Variants in MTMR10 observed in about 807,000 individuals in gnomAD.
MTMR10 encodes the protein myotubularin related protein 10.
In MTMR10, 56 loss-of-function variants were observed where a neutral mutation model predicts 88.1. The ratio of observed to expected loss-of-function variants is 0.64; its 90% CI spans 0.51 to 0.79. MTMR10 has a LOEUF of 0.79. Among genes scored for constraint, MTMR10 ranks in the 30% least tolerant of loss-of-function variants. The pLI is 0.00. For missense variants in MTMR10, 883 were observed against 924.7 expected (o/e 0.95, Z 0.58); for synonymous variants, 380 against 340.9 (o/e 1.11, Z -1.26).
At chr15:30,963,879 A>G (rs2063440284) in intron 6 of MTMR10, among the ~76,000 whole-genome samples, 1 of 152,178 alleles carries the variant, frequency 6.6e-6, no homozygotes, top group Admixed American at 6.5e-5. Context: ...GTGCACCAAA[A>G]CAAAGAAAGC....
intron 2 of MTMR10, among the ~76,000 whole-genome samples, chr15:30,983,248 G>C (rs1178318802): frequency 6.6e-6 from 1 of 152,156 alleles, no homozygotes; most frequent in Non-Finnish European, 1.5e-5. Context: ...CATGAAGCCA[G>C]AAAAAGCAGG....
chr15:30,955,687 C>T (rs2063317545), intron 9 of MTMR10, among the ~76,000 whole-genome samples: 1 of 152,166 alleles, frequency 6.6e-6, no homozygotes, highest in African/African-American at 2.4e-5. Flanking sequence ...TAAGGAGACC[C>T]TACACTCCCA....
At chr15:30,958,767 G>A in intron 9 of MTMR10, 96 bp downstream of exon 9, 1 of 1,263,514 alleles carries the variant, frequency 7.9e-7, no homozygotes, top group African/African-American at 1.5e-5. Flanking sequence ...TAATTAGTAA[G>A]ACTATGCATT....
chr15:30,951,746 C>T (rs999097674), intron 12 of MTMR10, among the ~76,000 whole-genome samples: 19 of 152,114 alleles, frequency 1.2e-4, no homozygotes, highest in Non-Finnish European at 2.1e-4. Context: ...GTGATCCGCC[C>T]GCCTCGACCT....
At chr15:30,929,944 AATATAATATATATC>A in the MTMR10 span, among the ~76,000 whole-genome samples, 1 of 107,818 alleles carries the variant, frequency 9.3e-6, no homozygotes, top group African/African-American at 4.9e-5. Context: ...TAAAATATAT[AATATAATATATATC>A]ATATAATATA....
intron 2 of MTMR10, among the ~76,000 whole-genome samples, chr15:30,977,681 G>C (rs1273491621): frequency 3.3e-5 from 5 of 151,950 alleles, no homozygotes; most frequent in Non-Finnish European, 5.9e-5. Context: ...GTCAATGGTA[G>C]AAAAGTGAGT....
chr15:30,947,516 G>T (rs1419928924), intron 13 of MTMR10, among the ~76,000 whole-genome samples: 1 of 152,188 alleles, frequency 6.6e-6, no homozygotes, highest in Non-Finnish European at 1.5e-5. Context: ...CCCAGTACAT[G>T]TAACAAGTTG....
chr15:30,928,057 G>A, the MTMR10 span: 3 of 998,036 alleles, frequency 3.0e-6, no homozygotes, highest in Non-Finnish European at 3.6e-6. Flanking sequence ...GTGCATCAGA[G>A]CAGCACCTGC....
At chr15:30,929,862 AATAT>A in the MTMR10 span, among the ~76,000 whole-genome samples, 15 of 60,366 alleles carry the variant, frequency 2.5e-4, 1 homozygote, top group African/African-American at 1.3e-3. Flanking sequence ...TATCATATAT[AATAT>A]ATATAAAATA....
At chr15:30,919,146 C>T in the MTMR10 span, among the ~76,000 whole-genome samples, 5 of 150,154 alleles carry the variant, frequency 3.3e-5, no homozygotes, top group African/African-American at 9.9e-5. Flanking sequence ...TTTGGGAGGC[C>T]GAGGCTGGCA....
the MTMR10 span, among the ~76,000 whole-genome samples, chr15:30,929,623 T>A: frequency 6.7e-5 from 5 of 74,942 alleles, no homozygotes; most frequent in South Asian, 3.9e-4. Context: ...ATAATATATA[T>A]TATATATTAT....
At chr15:30,958,411 T>C (rs1422322691) in intron 9 of MTMR10, among the ~76,000 whole-genome samples, 3 of 152,234 alleles carry the variant, frequency 2.0e-5, no homozygotes, top group African/African-American at 7.2e-5. Context: ...GGCCTCCTAC[T>C]TTAATGACGT....
At chr15:30,979,800 G>A (rs1397562218) in intron 2 of MTMR10, among the ~76,000 whole-genome samples, 1 of 152,212 alleles carries the variant, frequency 6.6e-6, no homozygotes, top group African/African-American at 2.4e-5. Flanking sequence ...AACGCAGTGA[G>A]AATGAGACAA....
At chr15:30,953,368 G>T (rs1190071193) in intron 11 of MTMR10, among the ~76,000 whole-genome samples, 194 bp downstream of exon 11, 1 of 152,186 alleles carries the variant, frequency 6.6e-6, no homozygotes, top group African/African-American at 2.4e-5. Context: ...ATGAACTGGT[G>T]AGTAAGAGCT....
intron 6 of MTMR10, 147 bp from the exon 7 acceptor site, chr15:30,961,220 TTTCC>T: frequency 7.0e-6 from 8 of 1,144,966 alleles, no homozygotes; most frequent in Non-Finnish European, 9.2e-6. Flanking sequence ...TGTCTTGCCC[TTTCC>T]ATTTAAAAAT....
chr15:30,930,601 C>T, the MTMR10 span: 12 of 1,612,786 alleles, frequency 7.4e-6, no homozygotes, highest in African/African-American at 1.3e-5. Context: ...CACCTGGCTG[C>T]TGACTTTCGA....
the MTMR10 span, chr15:30,929,367 G>T: frequency 7.4e-6 from 12 of 1,610,776 alleles, no homozygotes; most frequent in Admixed American, 1.8e-4. Flanking sequence ...TTGTCAGCTG[G>T]GATCGCTTCA....
chr15:30,979,866 G>A (rs535693982), intron 2 of MTMR10, among the ~76,000 whole-genome samples: 3 of 152,328 alleles, frequency 2.0e-5, no homozygotes, highest in East Asian at 1.9e-4. Context: ...CATGGCCCAC[G>A]GGCCAAATAC....
chr15:30,991,460 A>C lies in MTMR10; in HGVS notation c.47T>G (p.Leu16Arg), dbSNP rs1216021768. The C allele has an allele frequency of 2.0e-6, 3 of 1,504,078 alleles. No homozygotes were observed. The African/African-American group carries it at 4.4e-5, about 22-fold the overall frequency. 93.2% of individuals were successfully genotyped at this position (1,504,078 alleles called of 1,614,324 possible). The change falls in exon 1 of 16, where the codon CTG becomes CGG. Residue 16 changes from leucine (L) to arginine (R), a missense_variant. This residue lies in a region of MTMR10 where 414 missense variants were observed against 423.2 expected (regional missense o/e 0.98). Coordinates refer to ENST00000435680, the MANE Select transcript of MTMR10 (RefSeq NM_017762.3). Reference protein sequence around the residue: ...PPKPTFRSYLLPPPQTDDKIN... With the variant: ...PPKPTFRSYLRPPPQTDDKIN... ...GGGGTTGTTTACCTGGGGCGGTGGC[A>C]GGAGGTAGGACCTGAAGGTGGGTTT...
Sources: gnomAD v4.1 joint callset for allele counts (sites outside exome capture counted in the v4.1 genomes callset) on GRCh38, gnomAD v4.1.1 for gene constraint, gnomAD v4.1.1 regional missense constraint, MANE v1.5 for transcripts, NCBI Gene and HGNC (gene_info 2026-07-23, HGNC 2026-07-21) for gene names.